The following TATDN1 variants were observed in gnomAD, a reference collection of about 807,000 sequenced individuals.
The protein encoded by TATDN1 is deoxyribonuclease TATDN1.
Under a neutral mutation model 46.4 loss-of-function variants are expected in TATDN1, and 40 were observed. The ratio of observed to expected loss-of-function variants is 0.86; its 90% CI spans 0.67 to 1.12. The LOEUF is 1.12. Ranked by LOEUF, TATDN1 falls within the 50% of genes most tolerant of loss-of-function variation. TATDN1 has a pLI of 0.00. For synonymous variants in TATDN1, 95 were observed against 105.6 expected (o/e 0.90, Z 0.62); for missense variants, 326 against 348.4 (o/e 0.94, Z 0.51).
chr8:124,506,466 C>T (rs993883747), intron 8 of TATDN1, among the ~76,000 whole-genome samples: 8 of 152,028 alleles, frequency 5.3e-5, no homozygotes, highest in Non-Finnish European at 1.2e-4. Context: ...ACTAAAACCC[C>T]TCTCAATTCT....
At chr8:124,518,996 C>T (rs1819798886) in intron 3 of TATDN1, 115 bp from the exon 4 acceptor site, 2 of 687,170 alleles carry the variant, frequency 2.9e-6, no homozygotes, top group Admixed American at 2.5e-5. Flanking sequence ...CTGTGACTGC[C>T]ACACACCTAC....
At chr8:124,490,539 A>G (rs567295243) in intron 11 of TATDN1, among the ~76,000 whole-genome samples, 1 of 152,138 alleles carries the variant, frequency 6.6e-6, no homozygotes, top group Admixed American at 6.5e-5. Context: ...AAAAAAATCT[A>G]TTGGAGCTTA....
intron 6 of TATDN1, among the ~76,000 whole-genome samples, chr8:124,512,637 C>T (rs1819123638): frequency 1.3e-5 from 2 of 152,174 alleles, no homozygotes. Context: ...AAGTGCCTAC[C>T]ATGTGCTGAG....
At chr8:124,514,596 A>C (rs935496440) in intron 6 of TATDN1, among the ~76,000 whole-genome samples, 1 of 152,236 alleles carries the variant, frequency 6.6e-6, no homozygotes, top group Non-Finnish European at 1.5e-5. Flanking sequence ...CAATGGATGA[A>C]TAAATTAACC....
intron 11 of TATDN1, among the ~76,000 whole-genome samples, chr8:124,490,599 C>T (rs575895607): frequency 1.3e-5 from 2 of 152,280 alleles, no homozygotes; most frequent in East Asian, 1.9e-4. Context: ...AATCTTTCTT[C>T]GAATAACCCT....
intron 11 of TATDN1, chr8:124,489,013 T>G (rs1157176763): frequency 3.3e-6 from 1 of 304,132 alleles, no homozygotes; most frequent in African/African-American, 2.3e-5. Flanking sequence ...TTGTGAGTCA[T>G]AGCATGTTCA....
intron 1 of TATDN1, among the ~76,000 whole-genome samples, chr8:124,533,885 G>A (rs1310176633): frequency 2.0e-5 from 3 of 151,958 alleles, no homozygotes; most frequent in Non-Finnish European, 4.4e-5. Context: ...GATGGCTCAC[G>A]CCTATAATCC....
At position 124,537,510 on chromosome 8, in the gene TATDN1, C is replaced by T. The variant is rs545225541; in HGVS notation, c.22+1515G>A. On this transcript the variant is annotated intron_variant, in intron 1 of 11. Transcript: ENST00000276692. Reference sequence around the variant, plus strand: ...TAAGCATTTAGGCTATCCTGAGGAGCGTAAATGAAAGATTTGAAGCAAAAG... The same window carrying T: ...TAAGCATTTAGGCTATCCTGAGGAGTGTAAATGAAAGATTTGAAGCAAAAG... Among the ~76,000 whole-genome samples, 254 of 152,128 alleles carry T rather than the reference C, an allele frequency of 1.7e-3. 4 individuals carry two copies. In the South Asian group the frequency reaches 0.032, roughly 19 times the overall value.
chr8:124,492,823 T>C (rs1247041688), intron 11 of TATDN1, among the ~76,000 whole-genome samples: 1 of 152,098 alleles, frequency 6.6e-6, no homozygotes, highest in Non-Finnish European at 1.5e-5. Context: ...TACATTTCTT[T>C]ATTTTTTAAA....
chr8:124,490,626 G>A (rs1338249502), intron 11 of TATDN1, among the ~76,000 whole-genome samples: 1 of 152,208 alleles, frequency 6.6e-6, no homozygotes, highest in African/African-American at 2.4e-5. Flanking sequence ...GCCAAGCCAT[G>A]CTATTTCCAT....
intron 1 of TATDN1, among the ~76,000 whole-genome samples, chr8:124,535,705 T>C (rs1243970778): frequency 6.6e-6 from 1 of 152,206 alleles, no homozygotes; most frequent in Admixed American, 6.5e-5. Context: ...TGCTTTTGCA[T>C]TGCTATAAAG....
chr8:124,500,638 A>C (rs902501221), intron 9 of TATDN1, among the ~76,000 whole-genome samples: 3 of 151,928 alleles, frequency 2.0e-5, no homozygotes, highest in African/African-American at 7.3e-5. Flanking sequence ...GGTCGGGGCT[A>C]CAGTAAGTCG....
chr8:124,497,891 A>G (rs544845919), intron 9 of TATDN1, among the ~76,000 whole-genome samples: 31 of 152,216 alleles, frequency 2.0e-4, no homozygotes, highest in Admixed American at 5.2e-4. Context: ...TATAAAAAAA[A>G]TATGTATCTT....
chr8:124,538,665 G>T (rs932744695), intron 1 of TATDN1, among the ~76,000 whole-genome samples: 1 of 152,214 alleles, frequency 6.6e-6, no homozygotes, highest in Non-Finnish European at 1.5e-5. Context: ...CAGCCTCTCC[G>T]CCAAGGCAGA....
intron 6 of TATDN1, among the ~76,000 whole-genome samples, chr8:124,512,774 G>A (rs1819134669): frequency 6.6e-6 from 1 of 152,140 alleles, no homozygotes; most frequent in Non-Finnish European, 1.5e-5. Context: ...GTACAACATG[G>A]TAAGTGCTGA....
chr8:124,509,464 T>C (rs1818817459), intron 6 of TATDN1, among the ~76,000 whole-genome samples: 1 of 152,206 alleles, frequency 6.6e-6, no homozygotes, highest in Non-Finnish European at 1.5e-5. Flanking sequence ...ATACAACGAA[T>C]GTTCATTCTG....
intron 11 of TATDN1, among the ~76,000 whole-genome samples, chr8:124,493,394 G>A (rs1817190297): frequency 6.6e-6 from 1 of 152,014 alleles, no homozygotes; most frequent in African/African-American, 2.4e-5. Flanking sequence ...TTTCACTTGT[G>A]CTATATATAT....
In TATDN1 at chr8:124,508,627, G is replaced by C; in HGVS notation, c.451C>G (p.Arg151Gly). ...CCCAAAAATTCAGCATGTGAGTTTCGACAATGAAGAAACATTGGTAATTTT... is the reference window on the plus strand; with the variant it reads ...CCCAAAAATTCAGCATGTGAGTTTCCACAATGAAGAAACATTGGTAATTTT... ...QTKLPMFLHCRNSHAEFLDIM... is the reference protein window; with the variant it reads ...QTKLPMFLHCGNSHAEFLDIM... The change falls in exon 7 of 12, where the codon CGA (arginine) becomes GGA (glycine). Residue 151 changes from arginine (R) to glycine (G), a missense_variant. Transcript: ENST00000276692. 3.1e-6 allele frequency: 5 copies of C among 1,601,936 alleles called. No homozygotes were observed. The highest frequency in any genetic ancestry group is 1.1e-5 in the South Asian group (1 of 89,002).
rs764815830 is a variant in TATDN1, at chr8:124,504,322, T to C, written c.542A>G (p.Glu181Gly). ...GVVHSFDGTK[E>G]AAAALIDLDL... Reference sequence around the variant, plus strand: ...CAAGTCAATCAAAGCAGCTGCTGCTTCCTTGGTACCATCAAATGAATGCAC... The same window carrying C: ...CAAGTCAATCAAAGCAGCTGCTGCTCCCTTGGTACCATCAAATGAATGCAC... The change falls in exon 9 of 12, where the codon GAA becomes GGA. Residue 181 changes from glutamate to glycine, a missense_variant. By Grantham distance (98) the Glu-to-Gly change is moderately conservative. Coordinates refer to ENST00000276692, the MANE Select transcript of TATDN1 (RefSeq NM_032026.4). The C allele has an allele frequency of 8.6e-5, 139 of 1,607,876 alleles. No homozygotes were observed. The highest frequency in any genetic ancestry group is 1.1e-4 in the Non-Finnish European group (134 of 1,177,298).
Sources: gnomAD v4.1 joint callset for allele counts (sites outside exome capture counted in the v4.1 genomes callset) on GRCh38, gnomAD v4.1.1 for gene constraint, MANE v1.5 for transcripts, NCBI Gene and HGNC (gene_info 2026-07-23, HGNC 2026-07-21) for gene names.